Variants in MED12L observed in about 807,000 individuals in gnomAD.
MED12L encodes the protein mediator complex subunit 12L, also known as mediator of RNA polymerase II transcription subunit 12-like protein.
Under a neutral mutation model 281.3 loss-of-function variants are expected in MED12L, and 60 were observed. The observed-to-expected ratio is 0.21, with a 90% CI of 0.17 to 0.26. The LOEUF (loss-of-function observed/expected upper bound fraction) is 0.26. MED12L is among the 10% of genes least tolerant of loss of function. The probability of loss-of-function intolerance (pLI) is 1.00; values close to 1 mark genes in which losing one functional copy is unlikely to be tolerated. For synonymous variants in MED12L, 974 were observed against 987.2 expected (o/e 0.99, Z 0.25); for missense variants, 2,146 against 2,680.9 (o/e 0.80, Z 4.41).
rs771694534 is a variant in MED12L, at chr3:151,428,851, A to G, written c.6409-1448A>G. On this transcript the variant is annotated intron_variant, in intron 43 of 44. Transcript: ENST00000687756. ...CTAAATGCAATATTTGTCATGTGCA[A>G]TATTTGGGACATGCTTGGAACTAAA... 2.6e-5 allele frequency among the ~76,000 whole-genome samples: 4 copies of G among 151,756 alleles called. No homozygotes were observed. In the South Asian group the frequency reaches 6.2e-4, roughly 24 times the overall value.
chr3:151,299,590 T>C (rs1745626947), intron 16 of MED12L, among the ~76,000 whole-genome samples: 1 of 151,522 alleles, frequency 6.6e-6, no homozygotes, highest in Non-Finnish European at 1.5e-5. Context: ...GCGATTCCAG[T>C]GCCTCGGCCT....
At position 151,380,117 on chromosome 3, in the gene MED12L, T is replaced by C; in HGVS notation, c.4483T>C (p.Ser1495Pro). The change falls in exon 32 of 45, where the codon TCT (serine) becomes CCT (proline). Residue 1495 changes from serine (S) to proline (P), a missense_variant. By Grantham distance (74) the Ser-to-Pro change is moderately conservative. Transcript: ENST00000687756. ...TTATTATTACTTCCTTTGTAGTATGTCTCTTTTGAGTCAACAACCCTTCCT... is the reference window on the plus strand; with the variant it reads ...TTATTATTACTTCCTTTGTAGTATGCCTCTTTTGAGTCAACAACCCTTCCT... ...ERDRQKQKSM[S>P]LLSQQPFLSL... The C allele has an allele frequency of 1.3e-6, 2 of 1,580,890 alleles. No homozygotes were observed. The highest frequency in any genetic ancestry group is 1.9e-5 in the Admixed American group (1 of 51,750).
chr3:151,125,681 A>T (rs1048903950), intron 4 of MED12L, among the ~76,000 whole-genome samples: 2 of 152,030 alleles, frequency 1.3e-5, no homozygotes, highest in Non-Finnish European at 2.9e-5. Context: ...AAAAGCAGCA[A>T]CTCGGGTCTT....
intron 16 of MED12L, among the ~76,000 whole-genome samples, chr3:151,249,410 G>C (rs985557548): frequency 6.6e-6 from 1 of 152,120 alleles, no homozygotes; most frequent in Admixed American, 6.5e-5. Context: ...ACATCTGCAC[G>C]TTTCCTTCTT....
rs536304393 is a variant in MED12L at position 151,339,639 on chromosome 3, C to T, written c.2251-10420C>T. ...ATATCATTCAGTATAAATTTTAAAACAGTAAAAAAAAAAATAAGAGTCAGA... is the reference window on the plus strand; with the variant it reads ...ATATCATTCAGTATAAATTTTAAAATAGTAAAAAAAAAAATAAGAGTCAGA... On this transcript the variant is annotated intron_variant, in intron 16 of 44. Transcript: ENST00000687756. 5.3e-5 allele frequency among the ~76,000 whole-genome samples: 8 copies of T among 150,140 alleles called. No individual in the cohort carries two copies. The South Asian group carries it at 1.5e-3, about 28-fold the overall frequency.
intron 43 of MED12L, among the ~76,000 whole-genome samples, chr3:151,424,624 A>AC (rs562399344): frequency 0.02 from 2,965 of 148,058 alleles, 42 homozygotes; most frequent in Non-Finnish European, 0.03. Flanking sequence ...CTGTCTCAAA[A>AC]AAAACAAAAC....
At chr3:151,334,192 C>CCTTTTTTTTTTT (rs1553782842) in intron 16 of MED12L, among the ~76,000 whole-genome samples, 1 of 99,450 alleles carries the variant, frequency 1.0e-5, no homozygotes, top group African/African-American at 4.0e-5. Flanking sequence ...TTCTTTCTTT[C>CCTTTTTTTTTTT]TTTCTTTTTT....
At position 151,143,128 on chromosome 3, in the gene MED12L, AG is replaced by A. The variant is rs558180437; in HGVS notation, c.557-13030del. Among the ~76,000 whole-genome samples, 11 of 152,338 alleles carry A rather than the reference AG, an allele frequency of 7.2e-5. No homozygotes were observed. In the East Asian group the frequency reaches 1.3e-3, roughly 19 times the overall value. On this transcript the variant is annotated intron_variant, in intron 5 of 44. Transcript: ENST00000687756. ...AGTGAGTTCCGGAGCAGGGAATGAG[AG>A]GGAAGCCGGGGTGGATCTGGCTGGT...
Position 151,294,953 on chromosome 3 carries a change from A to G in MED12L, c.2251-55106A>G, listed in dbSNP as rs752793901. The G allele has an allele frequency of 5.0e-6, 8 of 1,613,922 alleles. No homozygotes were observed. In the African/African-American group the frequency reaches 9.3e-5, roughly 19 times the overall value. On this transcript the variant is annotated intron_variant, in intron 16 of 44. Transcript: ENST00000687756. ...AGGTCCAAATCCTGCATCATGGACT[A>G]TTCGAAATGGAAATGTCAGCGTCAT...
chr3:151,381,279 T>C (rs1372606949), intron 32 of MED12L, among the ~76,000 whole-genome samples: 1 of 152,200 alleles, frequency 6.6e-6, no homozygotes, highest in East Asian at 1.9e-4. Context: ...TTTGATCCTC[T>C]TGTCATTTCT....
intron 16 of MED12L, among the ~76,000 whole-genome samples, chr3:151,280,759 C>G (rs1325749427): frequency 3.3e-5 from 5 of 151,800 alleles, no homozygotes; most frequent in African/African-American, 2.4e-5. Flanking sequence ...TGGATCGTCT[C>G]AAATGCACAT....
intron 16 of MED12L, among the ~76,000 whole-genome samples, chr3:151,252,934 T>C (rs1737126408): frequency 2.0e-5 from 3 of 152,192 alleles, no homozygotes; most frequent in African/African-American, 7.2e-5. Flanking sequence ...ATGTACTACA[T>C]TAAAATGACA....
At chr3:151,347,453 G>A (rs1560057993) in intron 16 of MED12L, among the ~76,000 whole-genome samples, 1 of 152,162 alleles carries the variant, frequency 6.6e-6, no homozygotes. Context: ...GAAAATAAGT[G>A]AATTATACTG....
In MED12L at chr3:151,350,203, G is replaced by T. The variant is rs1753048992; in HGVS notation, c.2395G>T (p.Gly799Trp). The change falls in exon 17 of 45, where the codon GGG (glycine) becomes TGG (tryptophan). Residue 799 changes from glycine (G) to tryptophan (W), a missense_variant. Physicochemically the swap from Gly to Trp is radical, Grantham distance 184 (BLOSUM62 -2). This residue lies in a region of MED12L where 404 missense variants were observed against 603.5 expected (regional missense o/e 0.67). Coordinates refer to ENST00000687756, the MANE Select transcript of MED12L (RefSeq NM_001393769.1). The part of the protein sequence containing the change: ...ILNKKSTTET[G>W]VGDEGQKARK... ...AAATAAGAAGAGCACCACAGAGACAGGGGGTAAAGAACCTTAATGCATTTG... is the reference window on the plus strand; with the variant it reads ...AAATAAGAAGAGCACCACAGAGACATGGGGTAAAGAACCTTAATGCATTTG... The T allele has an allele frequency of 6.2e-7, 1 of 1,613,256 alleles. No homozygotes were observed. The highest frequency in any genetic ancestry group is 1.3e-5 in the African/African-American group (1 of 74,822).
intron 16 of MED12L, among the ~76,000 whole-genome samples, chr3:151,333,822 G>C (rs1750623188): frequency 6.6e-6 from 1 of 152,164 alleles, no homozygotes; most frequent in African/African-American, 2.4e-5. Context: ...GCTCACACCT[G>C]TAATCCTAGC....
chr3:151,296,313 A>G (rs191816373), intron 16 of MED12L, among the ~76,000 whole-genome samples: 1 of 152,180 alleles, frequency 6.6e-6, no homozygotes, highest in African/African-American at 2.4e-5. Flanking sequence ...CTTATGTGGC[A>G]GCCATGGACA....
chr3:151,228,870 G>T (rs1731052374), intron 16 of MED12L, among the ~76,000 whole-genome samples: 1 of 152,116 alleles, frequency 6.6e-6, no homozygotes, highest in South Asian at 2.1e-4. Context: ...TGGAATATGT[G>T]GTCCTATTCC....
At chr3:151,158,505 CA>C (rs962593651) in intron 6 of MED12L, among the ~76,000 whole-genome samples, 183 bp from the exon 7 acceptor site, 5 of 150,688 alleles carry the variant, frequency 3.3e-5, no homozygotes, top group African/African-American at 1.2e-4. Flanking sequence ...TTCTAAAAAA[CA>C]AAAAAAACTA....
intron 2 of MED12L, among the ~76,000 whole-genome samples, chr3:151,110,849 T>A (rs1486008085): frequency 6.6e-6 from 1 of 152,182 alleles, no homozygotes; most frequent in Non-Finnish European, 1.5e-5. Context: ...GGACTTTTCC[T>A]CTTGGGATCT....
Sources: gnomAD v4.1 joint callset for allele counts (sites outside exome capture counted in the v4.1 genomes callset) on GRCh38, gnomAD v4.1.1 for gene constraint, gnomAD v4.1.1 regional missense constraint, MANE v1.5 for transcripts, NCBI Gene and HGNC (gene_info 2026-07-23, HGNC 2026-07-21) for gene names.